Variants in PACS2 observed in about 807,000 individuals in gnomAD.
The protein encoded by PACS2 is phosphofurin acidic cluster sorting protein 2.
Under a neutral mutation model 113.0 loss-of-function variants are expected in PACS2, and 36 were observed. The ratio of observed to expected loss-of-function variants is 0.32; its 90% CI spans 0.24 to 0.42. The LOEUF is 0.42. Ranked by LOEUF, PACS2 falls within the 10% of genes least tolerant of loss-of-function variation. PACS2 has a pLI of 1.00. For synonymous variants in PACS2, 589 were observed against 536.1 expected (o/e 1.10, Z -1.36); for missense variants, 1,015 against 1,239.5 (o/e 0.82, Z 2.72).
In PACS2 at chr14:105,324,657, C is replaced by T. The variant is rs2059027005; in HGVS notation, c.119+9620C>T. Among the ~76,000 whole-genome samples, 1 of 152,194 alleles carries T rather than the reference C, an allele frequency of 6.6e-6. No homozygotes were observed. Among genetic ancestry groups the T allele is most frequent in the South Asian group, 2.1e-4 (1 of 4,832 alleles). On this transcript the variant is annotated intron_variant, in intron 1 of 24. Coordinates refer to ENST00000447393, the MANE Select transcript of PACS2 (RefSeq NM_001100913.3). This position sits in a 1 kb window ranked among gnomAD's most constrained non-coding sequence, Gnocchi z 4.7. ...GAGTGATGAGAGCGTGGCTGCTGGTCATGGTGCTGGGGTCGTCAGCAGCTC... is the reference window on the plus strand; with the variant it reads ...GAGTGATGAGAGCGTGGCTGCTGGTTATGGTGCTGGGGTCGTCAGCAGCTC...
chr14:105,369,306 G>C (rs942463122), intron 7 of PACS2, among the ~76,000 whole-genome samples: 1 of 152,236 alleles, frequency 6.6e-6, no homozygotes, highest in Non-Finnish European at 1.5e-5. Context: ...GGGCCCCCTT[G>C]GGCCCAACTG....
upstream of PACS2, among the ~76,000 whole-genome samples, chr14:105,311,757 G>C (rs1412245210): frequency 6.6e-6 from 1 of 152,196 alleles, no homozygotes; most frequent in Non-Finnish European, 1.5e-5. Flanking sequence ...AGCGGTCTTA[G>C]AGCTCTTGGC....
At chr14:105,377,584 C>A (rs2080829877) in intron 9 of PACS2, among the ~76,000 whole-genome samples, 1 of 152,184 alleles carries the variant, frequency 6.6e-6, no homozygotes, top group African/African-American at 2.4e-5. Flanking sequence ...GCTTGGTAGA[C>A]CTTTTGCTCT....
chr14:105,314,461 G>C (rs936260893), upstream of PACS2: 53 of 149,506 alleles, frequency 3.5e-4, no homozygotes, highest in African/African-American at 1.3e-3. Context: ...GCTCCCGGGG[G>C]GCGGGGCGGG....
rs1207910653 is a variant in PACS2, at chr14:105,330,552, G to A, written c.119+15515G>A. 6.6e-6 allele frequency among the ~76,000 whole-genome samples: 1 copy of A among 152,204 alleles called. No homozygotes were observed. Among genetic ancestry groups the A allele is most frequent in the Non-Finnish European group, 1.5e-5 (1 of 68,022 alleles). ...CCGCAGCCAGCCCTGACCCAGCTGG[G>A]TGTGTGGCCGCTCTCTGGACCCCCG... is the stretch of plus-strand genomic sequence containing the variant. On this transcript the variant is annotated intron_variant, in intron 1 of 24. Coordinates refer to ENST00000447393, the MANE Select transcript of PACS2 (RefSeq NM_001100913.3). This position sits in a 1 kb window ranked among gnomAD's most constrained non-coding sequence, Gnocchi z 6.9.
At chr14:105,362,221 A>T (rs889848068) in intron 4 of PACS2, among the ~76,000 whole-genome samples, 3 of 151,146 alleles carry the variant, frequency 2.0e-5, no homozygotes, top group East Asian at 2.0e-4. Flanking sequence ...GATCAAGACC[A>T]TCCTGGCTAA....
chr14:105,386,799 C>T (rs1555413679), intron 19 of PACS2, among the ~76,000 whole-genome samples: 2 of 152,166 alleles, frequency 1.3e-5, no homozygotes, highest in South Asian at 2.1e-4. Context: ...GGGGGCTGAA[C>T]ATCCTATGTC....
At chr14:105,328,231 C>T (rs1344496454) in intron 1 of PACS2, among the ~76,000 whole-genome samples, 1 of 152,222 alleles carries the variant, frequency 6.6e-6, no homozygotes, top group African/African-American at 2.4e-5. Context: ...ACCCCCTGCC[C>T]CAACCCCCGG....
intron 1 of PACS2, among the ~76,000 whole-genome samples, chr14:105,326,715 G>A (rs1286327635): frequency 6.6e-6 from 1 of 152,322 alleles, no homozygotes; most frequent in Admixed American, 6.5e-5. Flanking sequence ...GAGGGGAGCG[G>A]GAGCTCTGGC....
rs201173947 is a variant in PACS2, at chr14:105,394,558, C to G, written c.2601C>G (p.Leu867=). Residue 867 remains leucine (L), a synonymous_variant, in exon 25 of 25, where the codon CTC becomes CTG. Transcript: ENST00000447393. ...ARQQQNMLRV[L]IDGVECSDVK... ...TCAGGCAGCCCTCTCCCACAGTCCT[C>G]ATCGACGGCGTGGAGTGCAGCGACG... is the stretch of plus-strand genomic sequence containing the variant. 9 of 1,612,668 alleles carry G rather than the reference C, an allele frequency of 5.6e-6. No individual in the cohort carries two copies. The East Asian group carries it at 2.0e-4, about 36-fold the overall frequency.
intron 1 of PACS2, among the ~76,000 whole-genome samples, chr14:105,320,517 A>AT (rs1171931206): frequency 6.6e-6 from 1 of 152,058 alleles, no homozygotes; most frequent in African/African-American, 2.4e-5. Flanking sequence ...CTAATTTTAA[A>AT]TTTTTTGTAG....
intron 1 of PACS2, among the ~76,000 whole-genome samples, chr14:105,321,596 C>T (rs587714109): frequency 6.6e-6 from 1 of 152,244 alleles, no homozygotes; most frequent in Non-Finnish European, 1.5e-5. Flanking sequence ...TTCTTGGGCT[C>T]AAGCAGTCTA....
Position 105,323,937 on chromosome 14 carries a change from T to C in PACS2, c.119+8900T>C, listed in dbSNP as rs971500455. Among the ~76,000 whole-genome samples the C allele has an allele frequency of 1.1e-4, 17 of 152,214 alleles. No homozygotes were observed. The highest frequency in any genetic ancestry group is 4.1e-4 in the African/African-American group (17 of 41,470). ...TGCACGGTGCGTGCACACCGCTCTG[T>C]CCGCGCAGGCTGTGCCCTGCTTTCA... is the stretch of plus-strand genomic sequence containing the variant. On this transcript the variant is annotated intron_variant, in intron 1 of 24. Transcript: ENST00000447393. The surrounding 1 kb of genome is among the most constrained non-coding windows in gnomAD (Gnocchi z 4.1).
rs782464452 is a variant in PACS2, at chr14:105,382,527, T to C, written c.1464T>C (p.Asp488=). 3.7e-6 allele frequency: 6 copies of C among 1,613,580 alleles called. No individual in the cohort carries two copies. The East Asian group carries it at 8.9e-5, about 24-fold the overall frequency. Residue 488 remains aspartate, a synonymous_variant, in exon 14 of 25, where the codon GAT becomes GAC. Coordinates refer to ENST00000447393, the MANE Select transcript of PACS2 (RefSeq NM_001100913.3). ...YDQLNHILIS[D]DQLPENIILV... is the part of the protein sequence containing the mutation. ...AGCTCAACCACATCCTCATCTCCGA[T>C]GACCAGCTTCCCGAAAACATCATCC...
At chr14:105,359,576 G>A (rs1555405973) in intron 4 of PACS2, among the ~76,000 whole-genome samples, 4 of 145,350 alleles carry the variant, frequency 2.8e-5, no homozygotes, top group Admixed American at 2.1e-4. Context: ...CCAAAGTGTT[G>A]GTATTTCTTT....
At chr14:105,319,387 C>T (rs1473275968) in intron 1 of PACS2, among the ~76,000 whole-genome samples, 2 of 152,166 alleles carry the variant, frequency 1.3e-5, no homozygotes, top group Non-Finnish European at 2.9e-5. Flanking sequence ...TTACTTAGGT[C>T]TTGAATGTAT....
chr14:105,382,733 C>A, intron 14 of PACS2, 74 bp from the exon 15 acceptor site: 2 of 1,026,186 alleles, frequency 1.9e-6, no homozygotes, highest in Non-Finnish European at 1.5e-6. Flanking sequence ...CCCCTGAGAG[C>A]TTTGGTGAGG....
rs782316941 is a variant in PACS2, at chr14:105,393,342, A to G, written c.2596+7A>G. 3.1e-6 allele frequency: 5 copies of G among 1,597,528 alleles called. No homozygotes were observed. In the East Asian group the frequency reaches 8.9e-5, roughly 29 times the overall value. ...CAGCAGAACATGCTGCGGGGTGAGC[A>G]CCACCGGCCCCGGGGTCTGTAGAGT... On this transcript the variant is annotated splice_region_variant and intron_variant, in intron 24 of 24. Coordinates refer to ENST00000447393, the MANE Select transcript of PACS2 (RefSeq NM_001100913.3).
intron 19 of PACS2, among the ~76,000 whole-genome samples, chr14:105,388,341 T>C (rs1595176605): frequency 1.3e-5 from 2 of 152,102 alleles, no homozygotes; most frequent in African/African-American, 4.8e-5. Flanking sequence ...CTCCTGGGAG[T>C]GTGCTCTGGA....
Sources: gnomAD v4.1 joint callset for allele counts (sites outside exome capture counted in the v4.1 genomes callset) on GRCh38, gnomAD v4.1.1 for gene constraint, Gnocchi (gnomAD v3.1) non-coding constraint, MANE v1.5 for transcripts, NCBI Gene and HGNC (gene_info 2026-07-23, HGNC 2026-07-21) for gene names.